Variants in FBXO10 observed in about 807,000 individuals in gnomAD.
FBXO10 encodes F-box only protein 10.
Under a neutral mutation model 80.7 loss-of-function variants are expected in FBXO10, and 39 were observed. That is an observed-to-expected ratio of 0.48 (90% CI 0.37 to 0.63). The LOEUF is 0.63. Among genes scored for constraint, FBXO10 ranks in the 30% least tolerant of loss-of-function variants. FBXO10 has a pLI of 0.00. For missense variants in FBXO10, 1,025 were observed against 1,269.0 expected (o/e 0.81, Z 2.92); for synonymous variants, 449 against 489.6 (o/e 0.92, Z 1.09).
At chr9:37,548,026 T>C (rs1822100328) in intron 1 of FBXO10, among the ~76,000 whole-genome samples, 2 of 152,130 alleles carry the variant, frequency 1.3e-5, no homozygotes, top group South Asian at 2.1e-4. Flanking sequence ...GAGGGAACTT[T>C]AGGGTGAAGG....
intron 3 of FBXO10, among the ~76,000 whole-genome samples, chr9:37,536,688 C>A (rs985226875): frequency 2.0e-5 from 3 of 152,096 alleles, no homozygotes; most frequent in African/African-American, 7.3e-5. Flanking sequence ...CCTGGACCTT[C>A]TTCTCATTGT....
At chr9:37,536,320 C>G (rs867531725) in intron 3 of FBXO10, among the ~76,000 whole-genome samples, 1 of 152,106 alleles carries the variant, frequency 6.6e-6, no homozygotes, top group African/African-American at 2.4e-5. Flanking sequence ...AGGTGAGACT[C>G]GAATCTAGGT....
chr9:37,543,461 T>G lies in FBXO10; in HGVS notation c.-6-1687A>C, dbSNP rs142645574. Among the ~76,000 whole-genome samples the G allele has an allele frequency of 3.3e-5, 5 of 152,220 alleles. No homozygotes were observed. In the East Asian group the frequency reaches 9.6e-4, roughly 29 times the overall value. On this transcript the variant is annotated intron_variant, in intron 1 of 10. Coordinates refer to ENST00000432825, the MANE Select transcript of FBXO10 (RefSeq NM_012166.3). ...CTTTTCTAAGCTATAAACTCAGGAA[T>G]AGCCTCTGGTGATCATTTTCCCCAG...
At chr9:37,533,647 G>A (rs1487110966) in intron 3 of FBXO10, among the ~76,000 whole-genome samples, 3 of 151,822 alleles carry the variant, frequency 2.0e-5, no homozygotes, top group African/African-American at 7.3e-5. Context: ...GAGGCGGGCG[G>A]ATCACCTGAG....
chr9:37,571,037 T>G (rs1396058023), intron 1 of FBXO10, among the ~76,000 whole-genome samples: 1 of 150,910 alleles, frequency 6.6e-6, no homozygotes, highest in East Asian at 1.9e-4. Flanking sequence ...TAAGTAAATA[T>G]GAAGGGATAA....
In FBXO10 at chr9:37,518,298, G is replaced by A; in HGVS notation, c.2341C>T (p.Gln781Ter). 1 of 1,614,078 alleles carries A rather than the reference G, an allele frequency of 6.2e-7. No individual in the cohort carries two copies. The highest frequency in any genetic ancestry group is 8.5e-7 in the Non-Finnish European group (1 of 1,179,910). ...TGGGCCTCAACCTTGACCCCACTTTGCCGGTTGCAGGAGATGCTGTTGTTG... is the reference window on the plus strand; with the variant it reads ...TGGGCCTCAACCTTGACCCCACTTTACCGGTTGCAGGAGATGCTGTTGTTG... ...VANNSISCNR[Q>*]SGVKVEAQCK... The change falls in exon 9 of 11, where the codon CAA becomes TAA. Residue 781 changes from glutamine (Q) to a stop codon, truncating the protein, a stop_gained. Coordinates refer to ENST00000432825, the MANE Select transcript of FBXO10 (RefSeq NM_012166.3). LOFTEE classifies it high-confidence loss of function.
chr9:37,557,512 T>C (rs527975544), intron 1 of FBXO10, among the ~76,000 whole-genome samples: 2 of 152,362 alleles, frequency 1.3e-5, no homozygotes, highest in East Asian at 1.9e-4. Flanking sequence ...CCTCCAACCA[T>C]GTTCTTGGCT....
chr9:37,575,120 A>G (rs1822859949), intron 1 of FBXO10, among the ~76,000 whole-genome samples: 1 of 151,676 alleles, frequency 6.6e-6, no homozygotes, highest in Non-Finnish European at 1.5e-5. Flanking sequence ...CTGACAGTCA[A>G]TCACCGTACT....
Position 37,537,566 on chromosome 9 carries a change from G to T in FBXO10, c.963C>A (p.Ser321Arg). The T allele has an allele frequency of 6.2e-7, 1 of 1,613,532 alleles. No homozygotes were observed. The highest frequency in any genetic ancestry group is 2.2e-5 in the East Asian group (1 of 44,878). Residue 321 changes from serine (S) to arginine (R), a missense_variant, in exon 3 of 11, where the codon AGC (serine) becomes AGA (arginine). Transcript: ENST00000432825. ...IVIEGSQSPT[S>R]PASSSPKPGS... ...CTGGCTTTGGGGAGCTAGAGGCTGG[G>T]CTGGTAGGGCTCTGGCTGCCCTCGA...
At chr9:37,534,687 TGA>T (rs10570076) in intron 3 of FBXO10, among the ~76,000 whole-genome samples, 14,451 of 152,164 alleles carry the variant, frequency 0.095, 1,958 homozygotes, top group African/African-American at 0.3. Flanking sequence ...TGGGGGCAGA[TGA>T]GAGACTGGAG....
chr9:37,525,832 C>G (rs964576906), intron 5 of FBXO10, among the ~76,000 whole-genome samples: 1 of 152,098 alleles, frequency 6.6e-6, no homozygotes, highest in African/African-American at 2.4e-5. Context: ...AGCCACCGCG[C>G]CTGGCCTTAT....
chr9:37,554,149 G>A (rs1228716586), intron 1 of FBXO10, among the ~76,000 whole-genome samples: 1 of 152,152 alleles, frequency 6.6e-6, no homozygotes, highest in Non-Finnish European at 1.5e-5. Flanking sequence ...TCTATGACCA[G>A]TAAAGACGGT....
intron 1 of FBXO10, among the ~76,000 whole-genome samples, chr9:37,556,533 A>ATTTT (rs60829486): frequency 1.9e-4 from 14 of 75,116 alleles, no homozygotes; most frequent in Non-Finnish European, 2.6e-4. Context: ...TTTGTTCTGG[A>ATTTT]TTTTTTTTTT....
At chr9:37,565,131 C>A (rs1203875124) in intron 1 of FBXO10, among the ~76,000 whole-genome samples, 1 of 152,148 alleles carries the variant, frequency 6.6e-6, no homozygotes, top group Non-Finnish European at 1.5e-5. Flanking sequence ...TGGAATTTCC[C>A]CTGCTTGCAC....
At chr9:37,531,069 C>A (rs1423577064) in intron 4 of FBXO10, among the ~76,000 whole-genome samples, 1 of 152,218 alleles carries the variant, frequency 6.6e-6, no homozygotes, top group South Asian at 2.1e-4. Context: ...TCTGCCTCTT[C>A]AGGCTCTATA....
intron 1 of FBXO10, among the ~76,000 whole-genome samples, chr9:37,568,398 G>C (rs1055804765): frequency 6.6e-6 from 1 of 151,422 alleles, no homozygotes; most frequent in Non-Finnish European, 1.5e-5. Context: ...GGGTTTCACC[G>C]TGCTGGCCAG....
Position 37,541,296 on chromosome 9 carries a change from T to C in FBXO10, c.473A>G (p.Gln158Arg). 1 of 1,613,998 alleles carries C rather than the reference T, an allele frequency of 6.2e-7. No individual in the cohort carries two copies. The highest frequency in any genetic ancestry group is 8.5e-7 in the Non-Finnish European group (1 of 1,179,884). ...ILKVPVEIVG[Q>R]GKLGEVALLA... is the part of the protein sequence containing the mutation. ...CAGGGCCACTTCACCCAACTTCCCC[T>C]GCCCTACAATCTCCACAGGCACCTT... Residue 158 changes from glutamine to arginine, a missense_variant, in exon 2 of 11, where the codon CAG becomes CGG. Around this residue, in one of 3 missense-constraint regions of FBXO10, gnomAD observed 450 missense variants for 499.4 expected, o/e 0.90. Coordinates refer to ENST00000432825, the MANE Select transcript of FBXO10 (RefSeq NM_012166.3).
intron 1 of FBXO10, among the ~76,000 whole-genome samples, chr9:37,545,467 G>A (rs908298578): frequency 1.3e-5 from 2 of 152,112 alleles, no homozygotes; most frequent in African/African-American, 4.8e-5. Context: ...GTGAGCCATC[G>A]AGCCTGGCCT....
At chr9:37,560,664 T>G (rs1822455938) in intron 1 of FBXO10, among the ~76,000 whole-genome samples, 1 of 151,908 alleles carries the variant, frequency 6.6e-6, no homozygotes, top group African/African-American at 2.4e-5. Flanking sequence ...CATTCAAGTT[T>G]TGCCTTTCCG....
Sources: gnomAD v4.1 joint callset for allele counts (sites outside exome capture counted in the v4.1 genomes callset) on GRCh38, gnomAD v4.1.1 for gene constraint, gnomAD v4.1.1 regional missense constraint, MANE v1.5 for transcripts, NCBI Gene and HGNC (gene_info 2026-07-23, HGNC 2026-07-21) for gene names.